The following FIGN variants were observed in gnomAD, a reference collection of about 807,000 sequenced individuals.
FIGN encodes the protein fidgetin, microtubule severing factor.
FIGN carries 11 observed loss-of-function variants against 51.3 expected under a neutral mutation model. The ratio of observed to expected loss-of-function variants is 0.21; its 90% CI spans 0.13 to 0.35. The LOEUF (loss-of-function observed/expected upper bound fraction) is 0.35, where lower values mean the gene tolerates loss of function less well. FIGN is among the 10% of genes least tolerant of loss of function. The probability of loss-of-function intolerance (pLI) is 1.00; values close to 1 mark genes in which losing one functional copy is unlikely to be tolerated. For synonymous variants in FIGN, 407 were observed against 363.2 expected, an observed-to-expected ratio of 1.12 and a Z score of -1.37; for missense variants, 857 against 943.6, an observed-to-expected ratio of 0.91 and a Z score of 1.20.
At chr2:163,703,083 T>C (rs1684435191) in intron 2 of FIGN, among the ~76,000 whole-genome samples, 1 of 151,810 alleles carries the variant, frequency 6.6e-6, no homozygotes, top group African/African-American at 2.4e-5. Flanking sequence ...TTACAAGCGG[T>C]TTATCAAAAT....
At chr2:163,710,966 A>G (rs763151661) in intron 2 of FIGN, among the ~76,000 whole-genome samples, 69 of 152,344 alleles carry the variant, frequency 4.5e-4, no homozygotes, top group Non-Finnish European at 9.0e-4. Flanking sequence ...TTCAATTAAT[A>G]TAAACTTTTT....
At chr2:163,705,964 T>C (rs1684493281) in intron 2 of FIGN, among the ~76,000 whole-genome samples, 1 of 152,168 alleles carries the variant, frequency 6.6e-6, no homozygotes, top group Non-Finnish European at 1.5e-5. Context: ...CTGGAAAACT[T>C]ACATGTTGCA....
chr2:163,734,289 C>T (rs185059034), intron 2 of FIGN, among the ~76,000 whole-genome samples: 1 of 151,666 alleles, frequency 6.6e-6, no homozygotes, highest in Non-Finnish European at 1.5e-5. Context: ...GGACTTTGGA[C>T]AATCAAAATA....
At chr2:163,675,286 A>G (rs1683938363) in intron 2 of FIGN, among the ~76,000 whole-genome samples, 1 of 152,222 alleles carries the variant, frequency 6.6e-6, no homozygotes. Flanking sequence ...CTTGTTTTGC[A>G]AGATCTGACA....
intron 2 of FIGN, among the ~76,000 whole-genome samples, chr2:163,629,544 G>C (rs1683110912): frequency 6.6e-6 from 1 of 151,952 alleles, no homozygotes; most frequent in African/African-American, 2.4e-5. Context: ...AAGGATATGG[G>C]GGAAAATCTG....
At chr2:163,615,980 G>A (rs2105302485) in intron 2 of FIGN, among the ~76,000 whole-genome samples, 1 of 152,184 alleles carries the variant, frequency 6.6e-6, no homozygotes, top group African/African-American at 2.4e-5. Flanking sequence ...GATAATTTAA[G>A]TGTTACATAG....
At chr2:163,657,062 T>C (rs930015817) in intron 2 of FIGN, among the ~76,000 whole-genome samples, 1 of 151,958 alleles carries the variant, frequency 6.6e-6, no homozygotes, top group African/African-American at 2.4e-5. Context: ...GAAACCTGTA[T>C]TTTTCTTTTG....
At chr2:163,622,854 C>T (rs1281239773) in intron 2 of FIGN, among the ~76,000 whole-genome samples, 2 of 152,090 alleles carry the variant, frequency 1.3e-5, no homozygotes, top group African/African-American at 2.4e-5. Flanking sequence ...CATTAGCCAC[C>T]GCACTCAGCA....
chr2:163,632,350 C>T (rs1207618602), intron 2 of FIGN, among the ~76,000 whole-genome samples: 2 of 152,122 alleles, frequency 1.3e-5, no homozygotes, highest in African/African-American at 4.8e-5. Flanking sequence ...GAGAGGCTAA[C>T]CTATTGCCAG....
At chr2:163,710,534 T>C (rs1416838555) in intron 2 of FIGN, among the ~76,000 whole-genome samples, 1 of 152,186 alleles carries the variant, frequency 6.6e-6, no homozygotes. Context: ...GGTGGAAATG[T>C]GTTTGCAAAA....
intron 2 of FIGN, among the ~76,000 whole-genome samples, chr2:163,649,378 A>T (rs1683434582): frequency 6.6e-6 from 1 of 152,140 alleles, no homozygotes; most frequent in Non-Finnish European, 1.5e-5. Context: ...TTCAGTCCTA[A>T]CAGCTTCGCC....
At position 163,686,446 on chromosome 2, in the gene FIGN, A is replaced by G. The variant is rs1039554172; in HGVS notation, c.25+48457T>C. Among the ~76,000 whole-genome samples the G allele has an allele frequency of 5.3e-5, 8 of 152,156 alleles. No homozygotes were observed. The South Asian group carries it at 1.2e-3, about 24-fold the overall frequency. On this transcript the variant is annotated intron_variant, in intron 2 of 2. Coordinates refer to ENST00000333129, the MANE Select transcript of FIGN (RefSeq NM_018086.4). The stretch of plus-strand genomic sequence containing the variant: ...AAAAACTCTTCAAGTACAATCTTCT[A>G]AAAGTGGTACTTTGATGAGCAGTGC...
At chr2:163,729,232 T>C (rs1056243790) in intron 2 of FIGN, among the ~76,000 whole-genome samples, 3 of 152,034 alleles carry the variant, frequency 2.0e-5, no homozygotes, top group Non-Finnish European at 2.9e-5. Flanking sequence ...TATATCTACA[T>C]ACACATATGA....
chr2:163,684,038 T>A (rs1205277151), intron 2 of FIGN, among the ~76,000 whole-genome samples: 1 of 152,182 alleles, frequency 6.6e-6, no homozygotes, highest in Non-Finnish European at 1.5e-5. Flanking sequence ...TGAAAATCAA[T>A]GATAAAATCT....
chr2:163,715,522 C>T (rs1351977743), intron 2 of FIGN, among the ~76,000 whole-genome samples: 1 of 152,150 alleles, frequency 6.6e-6, no homozygotes, highest in African/African-American at 2.4e-5. Flanking sequence ...TTCACTCCAG[C>T]CGCTCTGAGT....
At chr2:163,671,357 C>G (rs1683872194) in intron 2 of FIGN, among the ~76,000 whole-genome samples, 2 of 152,142 alleles carry the variant, frequency 1.3e-5, no homozygotes, top group African/African-American at 4.8e-5. Context: ...GCAGAAGAAT[C>G]TAAACATGCA....
rs1282176941 is a variant in FIGN at position 163,642,516 on chromosome 2, G to A, written c.26-30710C>T. On this transcript the variant is annotated intron_variant, in intron 2 of 2. Coordinates refer to ENST00000333129, the MANE Select transcript of FIGN (RefSeq NM_018086.4). ...CTTACTCAAGGTATTACAGAAATGG[G>A]AAAGTGGGTGAGTGCTTTATGTGCC... Among the ~76,000 whole-genome samples the A allele has an allele frequency of 2.3e-4, 35 of 152,254 alleles. 1 individual carries two copies. The highest frequency in any genetic ancestry group is 2.1e-3 in the Admixed American group (32 of 15,300).
chr2:163,676,168 T>A (rs1683960180), intron 2 of FIGN, among the ~76,000 whole-genome samples: 1 of 151,726 alleles, frequency 6.6e-6, no homozygotes, highest in African/African-American at 2.4e-5. Context: ...TTCCTTTTTT[T>A]GCTTAAATTC....
chr2:163,721,208 A>T (rs1319233024), intron 2 of FIGN, among the ~76,000 whole-genome samples: 2 of 152,178 alleles, frequency 1.3e-5, no homozygotes, highest in Non-Finnish European at 2.9e-5. Context: ...TTATTAATTT[A>T]AAACCCCACA....
Sources: allele counts gnomAD v4.1 joint callset (sites outside exome capture counted in the v4.1 genomes callset), GRCh38; gene constraint gnomAD v4.1.1; transcripts MANE v1.5; gene names NCBI Gene and HGNC (gene_info 2026-07-23, HGNC 2026-07-21).